Variants in KIAA1217 observed in about 807,000 individuals in gnomAD.
KIAA1217 encodes KIAA1217, also known as sickle tail protein homolog.
In KIAA1217, 88 loss-of-function variants were observed where a neutral mutation model predicts 163.9. That is an observed-to-expected ratio of 0.54 (90% confidence interval 0.45 to 0.64). The LOEUF (loss-of-function observed/expected upper bound fraction) is 0.64. Among genes scored for constraint, KIAA1217 ranks in the 30% least tolerant of loss-of-function variants. KIAA1217 has a pLI of 0.00. For missense variants in KIAA1217, 2,372 were observed against 2,475.0 expected (o/e 0.96, Z 0.88); for synonymous variants, 903 against 923.1 (o/e 0.98, Z 0.39).
chr10:23,828,021 C>G (rs1387753297), intron 1 of KIAA1217, among the ~76,000 whole-genome samples: 1 of 152,070 alleles, frequency 6.6e-6, no homozygotes, highest in Non-Finnish European at 1.5e-5. Context: ...GAGAATTGAG[C>G]CAGATTGTGA....
intron 5 of KIAA1217, among the ~76,000 whole-genome samples, chr10:24,472,950 G>C (rs982613332): frequency 3.9e-5 from 6 of 152,046 alleles, no homozygotes; most frequent in African/African-American, 1.5e-4. Flanking sequence ...ACTTCCATCA[G>C]CATAGATCTC....
chr10:23,942,281 T>C (rs755449392), intron 1 of KIAA1217, among the ~76,000 whole-genome samples: 4 of 152,114 alleles, frequency 2.6e-5, no homozygotes, highest in Non-Finnish European at 5.9e-5. Flanking sequence ...CTTCTATAAA[T>C]ATATTTAAGA....
intron 1 of KIAA1217, among the ~76,000 whole-genome samples, chr10:23,765,377 G>T (rs952427282): frequency 2.0e-5 from 3 of 151,718 alleles, no homozygotes; most frequent in Non-Finnish European, 4.4e-5. Flanking sequence ...GTTTCACCGT[G>T]TTAGCCAGGA....
Position 24,515,125 on chromosome 10 carries a change from G to C in KIAA1217, c.2177+1691G>C, listed in dbSNP as rs192370165. Among the ~76,000 whole-genome samples the C allele has an allele frequency of 4.4e-3, 670 of 152,130 alleles. 10 individuals carry two copies. Among genetic ancestry groups the C allele is most frequent in the African/African-American group, 0.015 (637 of 41,522 alleles). The stretch of plus-strand genomic sequence containing the variant: ...TCTGTTGCCCAGGCTGGAGTGCAGT[G>C]GCATGATCTCGGCTCACTGCAACCT... On this transcript the variant is annotated intron_variant, in intron 10 of 20. Transcript: ENST00000376454.
intron 2 of KIAA1217, among the ~76,000 whole-genome samples, chr10:24,342,814 A>G (rs894880866): frequency 6.6e-6 from 1 of 151,934 alleles, no homozygotes; most frequent in Non-Finnish European, 1.5e-5. Flanking sequence ...GCATGCCACC[A>G]CATCCGGCTG....
At chr10:24,106,728 G>A (rs759505674) in intron 2 of KIAA1217, among the ~76,000 whole-genome samples, 1 of 152,134 alleles carries the variant, frequency 6.6e-6, no homozygotes, top group Non-Finnish European at 1.5e-5. Flanking sequence ...ACAGCAGAAT[G>A]CATCTCAACT....
intron 3 of KIAA1217, among the ~76,000 whole-genome samples, chr10:24,428,404 A>G (rs1180112255): frequency 6.6e-6 from 1 of 152,214 alleles, no homozygotes; most frequent in Non-Finnish European, 1.5e-5. Context: ...AGTTCCCTGA[A>G]AAAGCTGAGG....
In KIAA1217 at chr10:23,967,661, G is replaced by A. The variant is rs570545298; in HGVS notation, c.-320-39564G>A. On this transcript the variant is annotated intron_variant, in intron 1 of 18. Coordinates refer to the KIAA1217 transcript ENST00000376462. The stretch of plus-strand genomic sequence containing the variant: ...AGTGTAAATACAAACAGTTTTGGAG[G>A]ACAATTTGACACTATTATTTTGGAA... 4.6e-5 allele frequency among the ~76,000 whole-genome samples: 7 copies of A among 152,240 alleles called. No individual in the cohort carries two copies. The South Asian group carries it at 1.4e-3, about 32-fold the overall frequency.
At position 24,219,826 on chromosome 10, in the gene KIAA1217, G is replaced by A; in HGVS notation, c.271G>A (p.Glu91Lys). 1 of 1,613,934 alleles carries A rather than the reference G, an allele frequency of 6.2e-7. No homozygotes were observed. Among genetic ancestry groups the A allele is most frequent in the South Asian group, 1.1e-5 (1 of 91,076 alleles). Reference sequence around the variant, plus strand: ...AACATCTGAGATGGATCGGAAGAGAGAAGCGTTCCTAGAACATCTGAAGCA... The same window carrying A: ...AACATCTGAGATGGATCGGAAGAGAAAAGCGTTCCTAGAACATCTGAAGCA... ...MQTSEMDRKR[E>K]AFLEHLKQKY... Residue 91 changes from glutamate to lysine, a missense_variant, in exon 2 of 21, where the codon GAA (glutamate) becomes AAA (lysine). By Grantham distance (56) the Glu-to-Lys change is moderately conservative. Transcript: ENST00000376454.
At chr10:23,700,339 C>T (rs1483043838) in intron 1 of KIAA1217, among the ~76,000 whole-genome samples, 1 of 152,124 alleles carries the variant, frequency 6.6e-6, no homozygotes, top group Non-Finnish European at 1.5e-5. Context: ...GCAGTCATAT[C>T]CCTGAATTAT....
chr10:24,492,971 G>A (rs1315243764), intron 6 of KIAA1217, among the ~76,000 whole-genome samples: 2 of 151,754 alleles, frequency 1.3e-5, no homozygotes, highest in East Asian at 1.9e-4. Flanking sequence ...TCAGCCTCCC[G>A]AGTAGCTGGG....
chr10:23,969,314 C>T lies in KIAA1217; in HGVS notation c.-320-37911C>T, dbSNP rs142626232. 9.6e-3 allele frequency among the ~76,000 whole-genome samples: 1,455 copies of T among 152,320 alleles called. 21 individuals carry two copies. Among genetic ancestry groups the T allele is most frequent in the African/African-American group, 0.033 (1,376 of 41,564 alleles). On this transcript the variant is annotated intron_variant, in intron 1 of 18. Transcript: ENST00000376462. ...CCTCCCCAAGTGCTGGGATTATAGG[C>T]ATGAGCCACCGCGCCCAGTCCGAAA...
chr10:24,140,557 T>A (rs2064020750), intron 2 of KIAA1217, among the ~76,000 whole-genome samples: 1 of 152,054 alleles, frequency 6.6e-6, no homozygotes, highest in African/African-American at 2.4e-5. Flanking sequence ...TTAGGGTAGA[T>A]CCTCTGGACA....
At position 24,473,863 on chromosome 10, in the gene KIAA1217, C is replaced by T. The variant is rs2063760374; in HGVS notation, c.1482C>T (p.Gly494=). ...TGCACGCTCACTATAATGCCCACGG[C>T]CCCCCTCACACCATGCAGCCAGACC... ...IDMHAHYNAH[G]PPHTMQPDRA... is the part of the protein sequence containing the mutation. The change falls in exon 6 of 21, where the codon GGC becomes GGT. Residue 494 remains glycine (G), a synonymous_variant. Transcript: ENST00000376454. The T allele has an allele frequency of 1.2e-6, 2 of 1,614,118 alleles. No homozygotes were observed. The highest frequency in any genetic ancestry group is 1.7e-6 in the Non-Finnish European group (2 of 1,180,014).
chr10:24,486,074 T>G (rs2065355596), intron 6 of KIAA1217, among the ~76,000 whole-genome samples: 1 of 152,240 alleles, frequency 6.6e-6, no homozygotes, highest in South Asian at 2.1e-4. Flanking sequence ...AGAGGTTTCC[T>G]GGCTCCAGCC....
At chr10:24,367,128 G>A in intron 2 of KIAA1217, 1 of 984,988 alleles carries the variant, frequency 1.0e-6, no homozygotes, top group Non-Finnish European at 1.2e-6. Flanking sequence ...GGCTTTGAAG[G>A]GCATGCTGAT....
chr10:23,996,254 G>A (rs1846473772), intron 1 of KIAA1217, among the ~76,000 whole-genome samples: 1 of 152,288 alleles, frequency 6.6e-6, no homozygotes. Context: ...TCTTCAGGAA[G>A]CAGGAACCAT....
intron 2 of KIAA1217, among the ~76,000 whole-genome samples, chr10:24,173,363 A>C (rs2131921422): frequency 6.6e-6 from 1 of 152,304 alleles, no homozygotes; most frequent in Admixed American, 6.5e-5. Context: ...ATTACAATGT[A>C]ATAATAATAG....
intron 1 of KIAA1217, among the ~76,000 whole-genome samples, chr10:23,995,627 G>A (rs773261902): frequency 1.7e-4 from 26 of 152,034 alleles, no homozygotes; most frequent in Non-Finnish European, 3.7e-4. Flanking sequence ...AAGATACCCG[G>A]GAATAGATAC....
Sources: gnomAD v4.1 joint callset for allele counts (sites outside exome capture counted in the v4.1 genomes callset) on GRCh38, gnomAD v4.1.1 for gene constraint, MANE v1.5 for transcripts, NCBI Gene and HGNC (gene_info 2026-07-23, HGNC 2026-07-21) for gene names.